The following CFAP77 variants were observed in gnomAD, a reference collection of about 807,000 sequenced individuals.
CFAP77 encodes cilia- and flagella-associated protein 77.
Under a neutral mutation model 31.1 loss-of-function variants are expected in CFAP77, and 25 were observed. The ratio of observed to expected loss-of-function variants is 0.80; its 90% CI spans 0.59 to 1.12. CFAP77 has a LOEUF of 1.12. CFAP77 is among the 50% of genes most tolerant of loss of function. The pLI, the probability that CFAP77 is intolerant of heterozygous loss-of-function variation, is 0.00. For synonymous variants in CFAP77, 151 were observed against 159.9 expected (o/e 0.94, Z 0.42); for missense variants, 377 against 397.3 (o/e 0.95, Z 0.44).
At position 132,539,557 on chromosome 9, in the gene CFAP77, G is replaced by A. The variant is rs978164595; in HGVS notation, c.630+1851G>A. Among the ~76,000 whole-genome samples the A allele has an allele frequency of 7.9e-5, 12 of 152,156 alleles. No individual in the cohort carries two copies. Among genetic ancestry groups the A allele is most frequent in the Admixed American group, 7.9e-4 (12 of 15,278 alleles). ...CCTGCTGTTTACGGAAAAGCCTGGG[G>A]CTCAGCAACAGCGCCTATGATGTTC... is the stretch of plus-strand genomic sequence containing the variant. On this transcript the variant is annotated intron_variant, in intron 4 of 5. Coordinates refer to ENST00000393216, the MANE Select transcript of CFAP77 (RefSeq NM_001282957.2). This position sits in a 1 kb window ranked among gnomAD's most constrained non-coding sequence, Gnocchi z 4.3.
rs139990731 is a variant in CFAP77, at chr9:132,535,477, C to T, written c.525-2124C>T. On this transcript the variant is annotated intron_variant, in intron 3 of 5. Coordinates refer to ENST00000393216, the MANE Select transcript of CFAP77 (RefSeq NM_001282957.2). Reference sequence around the variant, plus strand: ...CTGTAATCCCAACACTTTAGGAGGCCGAGGTGGGCAGATCACTTGAGGTCA... The same window carrying T: ...CTGTAATCCCAACACTTTAGGAGGCTGAGGTGGGCAGATCACTTGAGGTCA... Among the ~76,000 whole-genome samples, 8 of 152,172 alleles carry T rather than the reference C, an allele frequency of 5.3e-5. No individual in the cohort carries two copies. The East Asian group carries it at 7.7e-4, about 15-fold the overall frequency.
At chr9:132,450,683 A>T (rs1242137974) in intron 1 of CFAP77, among the ~76,000 whole-genome samples, 3 of 152,214 alleles carry the variant, frequency 2.0e-5, no homozygotes, top group African/African-American at 7.2e-5. Context: ...GCCCACCAGG[A>T]AATTTTGGTT....
intron 1 of CFAP77, among the ~76,000 whole-genome samples, chr9:132,445,860 C>CTCCTCCG (rs1564206454): frequency 7.0e-6 from 1 of 142,386 alleles, no homozygotes; most frequent in African/African-American, 2.7e-5. Flanking sequence ...CAGAGTGAGA[C>CTCCTCCG]TCGATCTCAA....
chr9:132,429,753 G>A (rs1223407649), intron 1 of CFAP77, among the ~76,000 whole-genome samples: 3 of 151,982 alleles, frequency 2.0e-5, no homozygotes, highest in Non-Finnish European at 4.4e-5. Flanking sequence ...CTACTTAGGA[G>A]GCTGAGGCAG....
Position 132,572,459 on chromosome 9 carries a change from G to A in CFAP77, c.804G>A (p.Glu268=). The A allele has an allele frequency of 6.2e-7, 1 of 1,611,746 alleles. No individual in the cohort carries two copies. Among genetic ancestry groups the A allele is most frequent in the Non-Finnish European group, 8.5e-7 (1 of 1,179,970 alleles). Residue 268 remains glutamate, a synonymous_variant, in exon 6 of 6, where the codon GAG becomes GAA. Transcript: ENST00000393216. ...RQRALKAHRE[E]CAVRQGTLRM... ...GAGCATTAAAAGCCCACCGGGAAGAGTGTGCCGTGCGCCAGGGGACCCTGC... is the reference window on the plus strand; with the variant it reads ...GAGCATTAAAAGCCCACCGGGAAGAATGTGCCGTGCGCCAGGGGACCCTGC...
At chr9:132,414,017 C>T (rs1245188147) in intron 1 of CFAP77, among the ~76,000 whole-genome samples, 4 of 152,180 alleles carry the variant, frequency 2.6e-5, no homozygotes, top group African/African-American at 4.8e-5. Context: ...CAGACTCATC[C>T]GAGGTGCTAT....
rs1852830530 is a variant in CFAP77, at chr9:132,552,031, G to T, written c.732+8984G>T. On this transcript the variant is annotated intron_variant, in intron 5 of 5. Transcript: ENST00000393216. The surrounding 1 kb of genome is among the most constrained non-coding windows in gnomAD (Gnocchi z 5.5). ...AACCTCGGGCATCTTTTAAATTGCA[G>T]TTTGGCCCCAAGGCTAAAAAGGAAA... Among the ~76,000 whole-genome samples, 1 of 152,230 alleles carries T rather than the reference G, an allele frequency of 6.6e-6. No homozygotes were observed. Among genetic ancestry groups the T allele is most frequent in the Non-Finnish European group, 1.5e-5 (1 of 68,032 alleles).
intron 1 of CFAP77, among the ~76,000 whole-genome samples, chr9:132,478,944 A>G (rs1351038352): frequency 6.6e-6 from 1 of 152,242 alleles, no homozygotes; most frequent in East Asian, 1.9e-4. Context: ...CACTCCAGCC[A>G]TTGAATATGA....
rs1053149259 is a variant in CFAP77, at chr9:132,573,159, A to T, written c.*649A>T. On this transcript the variant is annotated 3_prime_UTR_variant, in exon 6 of 6. Transcript: ENST00000393216. ...TGGAAGGTCAACCCACTCTGGAAAA[A>T]GCCTTCCAGGCCAGCGGGTAGACTG... 1 of 152,268 alleles carries T rather than the reference A, an allele frequency of 6.6e-6. No individual in the cohort carries two copies. Among genetic ancestry groups the T allele is most frequent in the Non-Finnish European group, 1.5e-5 (1 of 68,092 alleles). 9.4% of individuals were successfully genotyped at this position (152,268 alleles called of 1,614,324 possible).
At chr9:132,512,417 G>A (rs997503643) in intron 3 of CFAP77, among the ~76,000 whole-genome samples, 1 of 152,204 alleles carries the variant, frequency 6.6e-6, no homozygotes, top group African/African-American at 2.4e-5. Context: ...CTGGAGGAGG[G>A]TTAGGATATG....
chr9:132,493,767 A>C (rs1490786869), intron 1 of CFAP77, among the ~76,000 whole-genome samples: 1 of 152,116 alleles, frequency 6.6e-6, no homozygotes, highest in Non-Finnish European at 1.5e-5. Context: ...CTTTCACTCC[A>C]CGCTTTGTGT....
At chr9:132,502,703 C>T (rs1851871273) in intron 3 of CFAP77, among the ~76,000 whole-genome samples, 1 of 152,176 alleles carries the variant, frequency 6.6e-6, no homozygotes, top group South Asian at 2.1e-4. Flanking sequence ...ACTCATTCAT[C>T]CGCTGATGTG....
chr9:132,488,154 A>G (rs1851594205), intron 1 of CFAP77, among the ~76,000 whole-genome samples: 2 of 152,318 alleles, frequency 1.3e-5, no homozygotes, highest in South Asian at 4.1e-4. Flanking sequence ...AGGGTTAATG[A>G]GCTACACTAT....
chr9:132,483,973 G>T (rs560600761), intron 1 of CFAP77, among the ~76,000 whole-genome samples: 1 of 139,026 alleles, frequency 7.2e-6, no homozygotes, highest in South Asian at 2.2e-4. Context: ...TTCTCACTCT[G>T]TTGCTCAGGC....
Position 132,517,679 on chromosome 9 carries a change from A to G in CFAP77, c.524+18079A>G, listed in dbSNP as rs1852171075. On this transcript the variant is annotated intron_variant, in intron 3 of 5. Transcript: ENST00000393216. The surrounding 1 kb of genome is among the most constrained non-coding windows in gnomAD (Gnocchi z 4.7). Reference sequence around the variant, plus strand: ...GCAGCGAAGATGAAGATGGGTTGCCATGAAAGGGCCCCTCTAATCCACAGA... The same window carrying G: ...GCAGCGAAGATGAAGATGGGTTGCCGTGAAAGGGCCCCTCTAATCCACAGA... Among the ~76,000 whole-genome samples, 1 of 152,232 alleles carries G rather than the reference A, an allele frequency of 6.6e-6. No homozygotes were observed. The highest frequency in any genetic ancestry group is 1.5e-5 in the Non-Finnish European group (1 of 68,050).
At chr9:132,494,514 C>G (rs1335770441) in intron 1 of CFAP77, among the ~76,000 whole-genome samples, 1 of 152,184 alleles carries the variant, frequency 6.6e-6, no homozygotes, top group Non-Finnish European at 1.5e-5. Flanking sequence ...TTGTTTCTAG[C>G]AGTTGGCTAT....
chr9:132,438,518 G>GTTATATATATATATATAT (rs1334397510), intron 1 of CFAP77, among the ~76,000 whole-genome samples: 1 of 111,192 alleles, frequency 9.0e-6, no homozygotes, highest in African/African-American at 3.9e-5. Context: ...GAACAGATAT[G>GTTATATATATATATATAT]GTATATATAT....
At chr9:132,459,911 T>G (rs1182462699) in intron 1 of CFAP77, among the ~76,000 whole-genome samples, 1 of 151,490 alleles carries the variant, frequency 6.6e-6, no homozygotes, top group Non-Finnish European at 1.5e-5. Flanking sequence ...AGTGTGTGAG[T>G]GTGAGTTTGT....
At chr9:132,505,516 C>T (rs943129494) in intron 3 of CFAP77, among the ~76,000 whole-genome samples, 5 of 151,074 alleles carry the variant, frequency 3.3e-5, no homozygotes, top group Admixed American at 1.3e-4. Context: ...GACTGGGGGC[C>T]GTGTAGACAT....
Sources: allele counts gnomAD v4.1 joint callset (sites outside exome capture counted in the v4.1 genomes callset), GRCh38; gene constraint gnomAD v4.1.1; non-coding constraint Gnocchi (gnomAD v3.1); transcripts MANE v1.5; gene names NCBI Gene and HGNC (gene_info 2026-07-23, HGNC 2026-07-21).